ST6GALNAC3: variants seen among roughly 807,000 people sequenced by gnomAD.
ST6GALNAC3 encodes the protein alpha-N-acetylgalactosaminide alpha-2,6-sialyltransferase 3.
A neutral mutation model predicts 32.7 loss-of-function variants in ST6GALNAC3; 25 were observed. The ratio of observed to expected loss-of-function variants is 0.76; its 90% CI spans 0.56 to 1.07. ST6GALNAC3 has a LOEUF of 1.07. Among genes scored for constraint, ST6GALNAC3 ranks in the 50% least tolerant of loss-of-function variants. The probability of loss-of-function intolerance (pLI) is 0.00; values close to 1 mark genes in which losing one functional copy is unlikely to be tolerated. For missense variants in ST6GALNAC3, 355 were observed against 382.4 expected, an observed-to-expected ratio of 0.93 and a Z score of 0.60; for synonymous variants, 129 against 133.1, an observed-to-expected ratio of 0.97 and a Z score of 0.21.
intron 2 of ST6GALNAC3, among the ~76,000 whole-genome samples, chr1:76,342,757 T>A (rs1193671741): frequency 6.6e-6 from 1 of 152,068 alleles, no homozygotes; most frequent in Non-Finnish European, 1.5e-5. Context: ...TAATTTTTTA[T>A]AGTAGCCATT....
chr1:76,549,757 T>C (rs1392723627), intron 3 of ST6GALNAC3, among the ~76,000 whole-genome samples: 1 of 152,200 alleles, frequency 6.6e-6, no homozygotes, highest in Non-Finnish European at 1.5e-5. Context: ...CTGATTTTCT[T>C]TGATTCGGCC....
chr1:76,426,118 C>T (rs1049334428), intron 3 of ST6GALNAC3, among the ~76,000 whole-genome samples: 2 of 151,674 alleles, frequency 1.3e-5, no homozygotes, highest in African/African-American at 4.8e-5. Context: ...TATAAGAGAG[C>T]CCTTTTTTGA....
At chr1:76,585,266 A>G (rs767510717) in intron 3 of ST6GALNAC3, among the ~76,000 whole-genome samples, 3 of 152,116 alleles carry the variant, frequency 2.0e-5, no homozygotes, top group South Asian at 4.2e-4. Context: ...CGCACCTGTC[A>G]TCCCAGCTAC....
intron 3 of ST6GALNAC3, among the ~76,000 whole-genome samples, chr1:76,415,725 C>A (rs377617442): frequency 7.9e-5 from 12 of 152,002 alleles, no homozygotes; most frequent in East Asian, 5.8e-4. Flanking sequence ...GACATTTCTG[C>A]AAAGAACGTC....
At chr1:76,187,786 G>A (rs1319868192) in intron 1 of ST6GALNAC3, among the ~76,000 whole-genome samples, 1 of 152,086 alleles carries the variant, frequency 6.6e-6, no homozygotes, top group East Asian at 1.9e-4. Flanking sequence ...GAAAACCGTG[G>A]TGAGCAGCCC....
intron 3 of ST6GALNAC3, among the ~76,000 whole-genome samples, chr1:76,453,680 C>G (rs1282016128): frequency 2.6e-5 from 4 of 151,984 alleles, no homozygotes; most frequent in Non-Finnish European, 5.9e-5. Flanking sequence ...TTTATTGAAA[C>G]TTGTTTTGTG....
chr1:76,093,688 A>G lies in ST6GALNAC3; in HGVS notation c.18+18804A>G, dbSNP rs146103672. Among the ~76,000 whole-genome samples the G allele has an allele frequency of 3.3e-3, 501 of 152,328 alleles. 4 individuals are homozygous for G. The highest frequency in any genetic ancestry group is 0.011 in the African/African-American group (477 of 41,590). On this transcript the variant is annotated intron_variant, in intron 1 of 4. Coordinates refer to ENST00000328299, the MANE Select transcript of ST6GALNAC3 (RefSeq NM_152996.4). ...CAGGATATAAATCCTCCTCTACTGG[A>G]GACAACTCTAGACTCATCAGCTGAG...
chr1:76,330,503 A>G (rs551271052), intron 2 of ST6GALNAC3, among the ~76,000 whole-genome samples: 1 of 152,244 alleles, frequency 6.6e-6, no homozygotes, highest in Admixed American at 6.5e-5. Context: ...CTGACATCAA[A>G]TGTCTTCCTG....
intron 1 of ST6GALNAC3, among the ~76,000 whole-genome samples, chr1:76,136,915 C>A (rs562171941): frequency 4.1e-4 from 62 of 152,282 alleles, no homozygotes; most frequent in African/African-American, 1.5e-3. Context: ...ATCATTCATC[C>A]AGTGTCAGTC....
intron 3 of ST6GALNAC3, among the ~76,000 whole-genome samples, chr1:76,502,901 G>A (rs559642103): frequency 1.3e-5 from 2 of 152,232 alleles, no homozygotes; most frequent in East Asian, 1.9e-4. Flanking sequence ...GAAATAGAGT[G>A]AATGAACAAT....
intron 1 of ST6GALNAC3, among the ~76,000 whole-genome samples, chr1:76,190,203 A>G (rs72674486): frequency 0.035 from 5,370 of 152,224 alleles, 211 homozygotes; most frequent in African/African-American, 0.098. Flanking sequence ...ATAGGATTCA[A>G]GGACTATATA....
intron 1 of ST6GALNAC3, among the ~76,000 whole-genome samples, chr1:76,125,323 G>A (rs1649169059): frequency 6.6e-6 from 1 of 152,066 alleles, no homozygotes; most frequent in African/African-American, 2.4e-5. Context: ...TCAGGTTTTG[G>A]GCACTGCACC....
intron 1 of ST6GALNAC3, among the ~76,000 whole-genome samples, chr1:76,278,150 A>T (rs941873929): frequency 1.5e-5 from 2 of 137,264 alleles, no homozygotes; most frequent in Admixed American, 1.4e-4. Flanking sequence ...ACTTATTTAG[A>T]TCTTCACTGT....
At chr1:76,167,210 G>C (rs1345164342) in intron 1 of ST6GALNAC3, among the ~76,000 whole-genome samples, 2 of 152,122 alleles carry the variant, frequency 1.3e-5, no homozygotes, top group East Asian at 1.9e-4. Flanking sequence ...TAACATGAAG[G>C]GATGTTGAAT....
At chr1:76,294,137 C>A (rs539842830) in intron 1 of ST6GALNAC3, among the ~76,000 whole-genome samples, 10 of 152,124 alleles carry the variant, frequency 6.6e-5, no homozygotes, top group Non-Finnish European at 1.3e-4. Context: ...ATAGGAGTCT[C>A]ATTGTTCCCA....
intron 3 of ST6GALNAC3, among the ~76,000 whole-genome samples, chr1:76,522,403 T>C (rs1176531652): frequency 6.6e-6 from 1 of 152,132 alleles, no homozygotes; most frequent in Non-Finnish European, 1.5e-5. Flanking sequence ...TTTTCTCTCT[T>C]TCTGATATAC....
intron 1 of ST6GALNAC3, among the ~76,000 whole-genome samples, chr1:76,265,559 A>G (rs930237975): frequency 6.6e-6 from 1 of 152,126 alleles, no homozygotes; most frequent in African/African-American, 2.4e-5. Flanking sequence ...TCAGCTCTTT[A>G]TTACAAACAT....
intron 2 of ST6GALNAC3, among the ~76,000 whole-genome samples, chr1:76,368,094 G>A (rs1328914206): frequency 6.6e-6 from 1 of 152,020 alleles, no homozygotes; most frequent in Non-Finnish European, 1.5e-5. Flanking sequence ...TCTAGCCCAG[G>A]GTGGGCATTT....
intron 3 of ST6GALNAC3, among the ~76,000 whole-genome samples, chr1:76,592,402 T>G (rs1647062258): frequency 6.6e-6 from 1 of 152,046 alleles, no homozygotes; most frequent in Non-Finnish European, 1.5e-5. Flanking sequence ...CACCATTCAT[T>G]GAGATGGGAA....
Sources: gnomAD v4.1 joint callset for allele counts (sites outside exome capture counted in the v4.1 genomes callset) on GRCh38, gnomAD v4.1.1 for gene constraint, MANE v1.5 for transcripts, NCBI Gene and HGNC (gene_info 2026-07-23, HGNC 2026-07-21) for gene names.